The following HHAT variants were observed in gnomAD, a reference collection of about 807,000 sequenced individuals.
HHAT encodes the protein protein-cysteine N-palmitoyltransferase HHAT.
Under a neutral mutation model 70.8 loss-of-function variants are expected in HHAT, and 47 were observed. That is an observed-to-expected ratio of 0.66 (90% CI 0.53 to 0.85). HHAT has a LOEUF of 0.85. Among genes scored for constraint, HHAT ranks in the 40% least tolerant of loss-of-function variants. The pLI is 0.00. For synonymous variants in HHAT, 228 were observed against 247.6 expected (o/e 0.92, Z 0.74); for missense variants, 609 against 604.8 (o/e 1.01, Z -0.07).
intron 7 of HHAT, among the ~76,000 whole-genome samples, chr1:210,451,637 G>T (rs1288300696): frequency 1.3e-5 from 2 of 152,126 alleles, no homozygotes; most frequent in African/African-American, 4.8e-5. Context: ...GAGGTGCAGT[G>T]GTACGATCAT....
intron 4 of HHAT, among the ~76,000 whole-genome samples, chr1:210,395,240 C>T (rs988481533): frequency 1.3e-5 from 2 of 152,140 alleles, no homozygotes; most frequent in African/African-American, 2.4e-5. Flanking sequence ...CAGAGGTAAA[C>T]TCTAAGGAGG....
intron 8 of HHAT, among the ~76,000 whole-genome samples, chr1:210,509,712 CTGTGCCTGCAT>C (rs1373800659): frequency 6.6e-6 from 1 of 152,230 alleles, no homozygotes; most frequent in Non-Finnish European, 1.5e-5. Context: ...GTGTGCTGCA[CTGTGCCTGCAT>C]GGTGAGAAAC....
intron 11 of HHAT, among the ~76,000 whole-genome samples, chr1:210,633,496 G>A (rs1671271727): frequency 6.6e-6 from 1 of 152,232 alleles, no homozygotes; most frequent in Non-Finnish European, 1.5e-5. Flanking sequence ...TCAGGCAAGA[G>A]CAGGGATGTG....
chr1:210,667,925 G>A (rs935993705), intron 11 of HHAT, among the ~76,000 whole-genome samples: 4 of 151,788 alleles, frequency 2.6e-5, no homozygotes, highest in Non-Finnish European at 4.4e-5. Context: ...AGTTTTTTTC[G>A]TCTTGCAAAA....
intron 11 of HHAT, among the ~76,000 whole-genome samples, chr1:210,655,700 C>T (rs901945282): frequency 9.2e-5 from 14 of 152,192 alleles, no homozygotes; most frequent in African/African-American, 3.4e-4. Flanking sequence ...TCACTTTATA[C>T]GTCAGGTAAA....
chr1:210,652,263 T>G (rs769826257), intron 11 of HHAT, among the ~76,000 whole-genome samples: 1 of 152,182 alleles, frequency 6.6e-6, no homozygotes, highest in Non-Finnish European at 1.5e-5. Context: ...AATTCTTATC[T>G]CTAGCTCTCT....
intron 8 of HHAT, among the ~76,000 whole-genome samples, chr1:210,468,952 CTT>C (rs1030320303): frequency 6.6e-6 from 1 of 152,086 alleles, no homozygotes; most frequent in African/African-American, 2.4e-5. Flanking sequence ...CTGGGCCAAT[CTT>C]TTAATCTCTG....
chr1:210,447,924 C>A (rs955302407), intron 7 of HHAT, among the ~76,000 whole-genome samples: 1 of 152,054 alleles, frequency 6.6e-6, no homozygotes, highest in African/African-American at 2.4e-5. Flanking sequence ...AGCGGAGGAC[C>A]CAGACCCTGG....
At chr1:210,579,152 A>T (rs1658607778) in intron 9 of HHAT, among the ~76,000 whole-genome samples, 1 of 152,150 alleles carries the variant, frequency 6.6e-6, no homozygotes, top group African/African-American at 2.4e-5. Context: ...GGAGGGTGGG[A>T]GGAGGGAGAG....
At chr1:210,338,519 AAAC>A (rs2085716878) in intron 1 of HHAT, among the ~76,000 whole-genome samples, 1 of 152,262 alleles carries the variant, frequency 6.6e-6, no homozygotes, top group African/African-American at 2.4e-5. Context: ...ATAGCATTAA[AAAC>A]AACAAAAATA....
intron 9 of HHAT, among the ~76,000 whole-genome samples, chr1:210,571,859 C>T (rs199798234): frequency 2.6e-5 from 4 of 152,218 alleles, no homozygotes; most frequent in Non-Finnish European, 5.9e-5. Context: ...GTGTGACACA[C>T]GTTTAATGTC....
At chr1:210,540,286 AT>A (rs1425953375) in intron 9 of HHAT, among the ~76,000 whole-genome samples, 23 of 152,368 alleles carry the variant, frequency 1.5e-4, no homozygotes. Flanking sequence ...CCCAGGTAGC[AT>A]TTATCATCAG....
intron 9 of HHAT, among the ~76,000 whole-genome samples, chr1:210,574,530 G>A (rs1558192056): frequency 6.6e-6 from 1 of 152,210 alleles, no homozygotes; most frequent in Non-Finnish European, 1.5e-5. Flanking sequence ...TACACTAAAT[G>A]CTTCCTGACA....
chr1:210,524,090 G>T (rs980507689), intron 9 of HHAT, among the ~76,000 whole-genome samples: 1 of 152,196 alleles, frequency 6.6e-6, no homozygotes, highest in East Asian at 1.9e-4. Flanking sequence ...TTGCCAGGGG[G>T]TGGGGGAAGG....
At chr1:210,647,674 T>C (rs1674343266) in intron 11 of HHAT, among the ~76,000 whole-genome samples, 1 of 152,064 alleles carries the variant, frequency 6.6e-6, no homozygotes, top group Non-Finnish European at 1.5e-5. Context: ...ATCTTTCTGG[T>C]TTTCACAAGA....
chr1:210,443,062 T>G (rs1200533211), intron 7 of HHAT, among the ~76,000 whole-genome samples: 1 of 152,252 alleles, frequency 6.6e-6, no homozygotes, highest in Non-Finnish European at 1.5e-5. Flanking sequence ...TTCCTACATA[T>G]GGCTAGCCAG....
intron 3 of HHAT, among the ~76,000 whole-genome samples, chr1:210,373,907 C>G (rs1379336721): frequency 6.6e-6 from 1 of 152,166 alleles, no homozygotes; most frequent in Non-Finnish European, 1.5e-5. Context: ...GGGGGAGTCT[C>G]CAAATTGTCT....
At chr1:210,660,013 C>T (rs775233485) in intron 11 of HHAT, among the ~76,000 whole-genome samples, 4 of 152,286 alleles carry the variant, frequency 2.6e-5, no homozygotes, top group Non-Finnish European at 5.9e-5. Flanking sequence ...TGGCACAAGA[C>T]AGGGGTGCTG....
intron 10 of HHAT, among the ~76,000 whole-genome samples, chr1:210,593,677 G>T (rs954310561): frequency 2.6e-5 from 4 of 152,136 alleles, no homozygotes; most frequent in African/African-American, 9.7e-5. Context: ...TGTAAATGTC[G>T]ATTAGGTCCA....
Sources: gnomAD v4.1 joint callset for allele counts (sites outside exome capture counted in the v4.1 genomes callset) on GRCh38, gnomAD v4.1.1 for gene constraint, MANE v1.5 for transcripts, NCBI Gene and HGNC (gene_info 2026-07-23, HGNC 2026-07-21) for gene names.